Variants in TANC1 observed in about 807,000 individuals in gnomAD.
TANC1 encodes tetratricopeptide repeat, ankyrin repeat and coiled-coil containing 1, also known as protein TANC1.
TANC1 carries 77 observed loss-of-function variants against 149.7 expected under a neutral mutation model. The ratio of observed to expected loss-of-function variants is 0.51; its 90% confidence interval spans 0.43 to 0.62. TANC1 has a LOEUF of 0.62. TANC1 is among the 20% of genes least tolerant of loss of function. The probability of loss-of-function intolerance (pLI) is 0.00; values close to 1 mark genes in which losing one functional copy is unlikely to be tolerated. For missense variants in TANC1, 1,985 were observed against 2,321.8 expected (o/e 0.85, Z 2.98); for synonymous variants, 854 against 925.0 (o/e 0.92, Z 1.39).
At chr2:159,069,780 T>C (rs1463007117) in intron 3 of TANC1, among the ~76,000 whole-genome samples, 2 of 150,614 alleles carry the variant, frequency 1.3e-5, no homozygotes, top group Admixed American at 1.3e-4. Flanking sequence ...TTTTTTTTTT[T>C]TTTTTTGAGA....
intron 2 of TANC1, among the ~76,000 whole-genome samples, chr2:159,013,894 G>A (rs555325845): frequency 6.4e-4 from 98 of 152,258 alleles, no homozygotes; most frequent in Admixed American, 3.8e-3. Flanking sequence ...CCTAGGCTCC[G>A]GGAGGGATCT....
intron 14 of TANC1, among the ~76,000 whole-genome samples, chr2:159,181,886 T>C (rs1471977592): frequency 6.6e-6 from 1 of 152,100 alleles, no homozygotes; most frequent in African/African-American, 2.4e-5. Flanking sequence ...ATTCCAGAAA[T>C]AGAATTATGA....
At chr2:159,020,506 AC>A (rs1443489517) in intron 2 of TANC1, among the ~76,000 whole-genome samples, 2 of 152,216 alleles carry the variant, frequency 1.3e-5, no homozygotes, top group Non-Finnish European at 1.5e-5. Context: ...GCTGTGTGTA[AC>A]ACATACAAAC....
In TANC1 at chr2:159,221,078, C is replaced by T. The variant is rs75130143; in HGVS notation, c.3678+1211C>T. ...TAAAGAATACATTACTGGCCGGGTGCGGTGGCTCATGCCTGTAATCCCGGC... is the reference window on the plus strand; with the variant it reads ...TAAAGAATACATTACTGGCCGGGTGTGGTGGCTCATGCCTGTAATCCCGGC... On this transcript the variant is annotated intron_variant, in intron 22 of 26. Transcript: ENST00000263635. 3.5e-3 allele frequency among the ~76,000 whole-genome samples: 527 copies of T among 152,126 alleles called. 3 individuals carry two copies. The highest frequency in any genetic ancestry group is 6.8e-3 in the Middle Eastern group (2 of 294).
chr2:159,142,179 A>G (rs1229744712), intron 5 of TANC1, among the ~76,000 whole-genome samples: 3 of 152,252 alleles, frequency 2.0e-5, no homozygotes, highest in Non-Finnish European at 4.4e-5. Context: ...TATTTAACAC[A>G]GTTGTAGACT....
intron 8 of TANC1, among the ~76,000 whole-genome samples, chr2:159,168,133 A>G (rs1387014457): frequency 6.6e-6 from 1 of 152,126 alleles, no homozygotes. Flanking sequence ...CATAAACCAA[A>G]TTAGGTTAAT....
chr2:159,050,384 C>T (rs1402231264), intron 2 of TANC1, among the ~76,000 whole-genome samples: 2 of 152,210 alleles, frequency 1.3e-5, no homozygotes, highest in East Asian at 1.9e-4. Context: ...CACACCCAGC[C>T]TGTGATATAG....
chr2:159,046,904 C>T (rs1471197769), intron 2 of TANC1, among the ~76,000 whole-genome samples: 1 of 151,918 alleles, frequency 6.6e-6, no homozygotes. Context: ...GGTGCCCCGC[C>T]CCTTTGCACC....
chr2:159,183,975 G>T (rs537054771), intron 14 of TANC1, among the ~76,000 whole-genome samples: 1 of 152,188 alleles, frequency 6.6e-6, no homozygotes, highest in Non-Finnish European at 1.5e-5. Context: ...GTCAGACGTG[G>T]TGCCAGTGAT....
intron 19 of TANC1, among the ~76,000 whole-genome samples, chr2:159,209,076 G>T (rs150811104): frequency 6.6e-6 from 1 of 152,322 alleles, no homozygotes; most frequent in African/African-American, 2.4e-5. Flanking sequence ...TCATCACACA[G>T]CATGTGACTG....
chr2:159,091,371 C>T (rs1269975402), intron 3 of TANC1, among the ~76,000 whole-genome samples: 1 of 152,176 alleles, frequency 6.6e-6, no homozygotes, highest in African/African-American at 2.4e-5. Flanking sequence ...GCACCCAGAA[C>T]CCTGTCCTGG....
At chr2:159,006,227 C>T (rs1021762383) in intron 2 of TANC1, among the ~76,000 whole-genome samples, 15 of 139,460 alleles carry the variant, frequency 1.1e-4, no homozygotes, top group East Asian at 2.3e-4. Flanking sequence ...AACTGGGAGG[C>T]GGAGGTTGCA....
intron 1 of TANC1, among the ~76,000 whole-genome samples, chr2:158,992,746 T>C (rs1386619865): frequency 1.3e-5 from 2 of 149,192 alleles, no homozygotes; most frequent in Non-Finnish European, 3.0e-5. Context: ...GGTCTCGATC[T>C]CCTGACCTCG....
intron 2 of TANC1, chr2:159,056,046 C>A: frequency 3.1e-6 from 1 of 320,488 alleles, no homozygotes; most frequent in Admixed American, 3.6e-5. Flanking sequence ...TAGGCATCTT[C>A]AAGAAGCAGT....
chr2:159,013,381 G>T (rs954997422), intron 2 of TANC1, among the ~76,000 whole-genome samples: 1 of 152,186 alleles, frequency 6.6e-6, no homozygotes, highest in Admixed American at 6.5e-5. Context: ...TTTATAATAG[G>T]CCTGCCATCT....
chr2:159,045,452 G>A (rs2040965857), intron 2 of TANC1, among the ~76,000 whole-genome samples: 1 of 152,026 alleles, frequency 6.6e-6, no homozygotes, highest in Non-Finnish European at 1.5e-5. Context: ...AATTAAGATA[G>A]CCAGATATGA....
intron 3 of TANC1, among the ~76,000 whole-genome samples, chr2:159,081,133 C>T (rs2044233221): frequency 6.6e-6 from 1 of 152,140 alleles, no homozygotes; most frequent in Admixed American, 6.5e-5. Flanking sequence ...TGCCCGTGAG[C>T]AGAGCTGGAA....
At chr2:159,172,043 C>T (rs1001679317) in intron 10 of TANC1, 78 bp from the exon 11 acceptor site, 7 of 1,421,906 alleles carry the variant, frequency 4.9e-6, no homozygotes, top group African/African-American at 1.4e-5. Context: ...TATGCCCTGG[C>T]ACAAATCAAG....
intron 16 of TANC1, 30 bp from the exon 17 acceptor site, chr2:159,194,227 A>G: frequency 6.4e-7 from 1 of 1,569,544 alleles, no homozygotes; most frequent in East Asian, 2.2e-5. Context: ...CATACATGTG[A>G]CAATCTTGTT....
Sources: allele counts gnomAD v4.1 joint callset (sites outside exome capture counted in the v4.1 genomes callset), GRCh38; gene constraint gnomAD v4.1.1; transcripts MANE v1.5; gene names NCBI Gene and HGNC (gene_info 2026-07-23, HGNC 2026-07-21).